Variants in GRM8 observed in about 807,000 individuals in gnomAD.
GRM8 encodes metabotropic glutamate receptor 8.
A neutral mutation model predicts 87.2 loss-of-function variants in GRM8; 47 were observed. That is an observed-to-expected ratio of 0.54 (90% CI 0.43 to 0.69). The LOEUF is 0.69. Ranked by LOEUF, GRM8 falls within the 30% of genes least tolerant of loss-of-function variation. The probability of loss-of-function intolerance (pLI) is 0.00; values close to 1 mark genes in which losing one functional copy is unlikely to be tolerated. For synonymous variants in GRM8, 396 were observed against 404.5 expected, an observed-to-expected ratio of 0.98 and a Z score of 0.25; for missense variants, 1,019 against 1,139.2, an observed-to-expected ratio of 0.89 and a Z score of 1.52.
At chr7:126,789,483 G>A (rs1434040031) in intron 6 of GRM8, among the ~76,000 whole-genome samples, 1 of 152,084 alleles carries the variant, frequency 6.6e-6, no homozygotes, top group Admixed American at 6.6e-5. Context: ...GGTGACTGTT[G>A]CCTTCATCAG....
chr7:126,551,577 A>G (rs1644557676), intron 8 of GRM8, among the ~76,000 whole-genome samples: 1 of 152,166 alleles, frequency 6.6e-6, no homozygotes, highest in Admixed American at 6.5e-5. Flanking sequence ...TGAGACATAA[A>G]GCTCATCATG....
At chr7:126,612,947 A>T (rs555262808) in intron 7 of GRM8, among the ~76,000 whole-genome samples, 7 of 152,212 alleles carry the variant, frequency 4.6e-5, no homozygotes, top group African/African-American at 1.4e-4. Context: ...AAACTTTGAC[A>T]TATCTGTGAA....
At chr7:126,709,935 T>G (rs1284359587) in intron 7 of GRM8, among the ~76,000 whole-genome samples, 1 of 152,166 alleles carries the variant, frequency 6.6e-6, no homozygotes, top group Non-Finnish European at 1.5e-5. Context: ...CAAATACCAT[T>G]ATGTTCTCAC....
intron 7 of GRM8, among the ~76,000 whole-genome samples, chr7:126,663,468 A>T (rs1340680738): frequency 6.6e-6 from 1 of 152,200 alleles, no homozygotes; most frequent in Non-Finnish European, 1.5e-5. Context: ...TTCATTTCCA[A>T]GATGCAAGCC....
intron 9 of GRM8, among the ~76,000 whole-genome samples, chr7:126,460,921 A>C (rs923266997): frequency 2.6e-5 from 4 of 151,538 alleles, no homozygotes; most frequent in African/African-American, 9.7e-5. Flanking sequence ...TTGTAAGTAT[A>C]TTTTAGAGCC....
At chr7:126,689,261 C>T (rs1221780044) in intron 7 of GRM8, among the ~76,000 whole-genome samples, 1 of 152,142 alleles carries the variant, frequency 6.6e-6, no homozygotes, top group Non-Finnish European at 1.5e-5. Context: ...GTTCCTTAAC[C>T]AAATGATTCT....
At chr7:126,671,449 G>C (rs899961675) in intron 7 of GRM8, among the ~76,000 whole-genome samples, 8 of 146,274 alleles carry the variant, frequency 5.5e-5, no homozygotes, top group Admixed American at 1.3e-4. Flanking sequence ...ATTCCATCAT[G>C]ATGATATTTA....
chr7:126,907,321 G>C (rs1487611076), intron 3 of GRM8, among the ~76,000 whole-genome samples: 1 of 149,868 alleles, frequency 6.7e-6, no homozygotes, highest in Non-Finnish European at 1.5e-5. Context: ...GAAGAGGAAG[G>C]AGGGGGAAGA....
At chr7:126,992,458 A>G (rs1024062545) in intron 3 of GRM8, among the ~76,000 whole-genome samples, 2 of 152,232 alleles carry the variant, frequency 1.3e-5, no homozygotes, top group African/African-American at 4.8e-5. Context: ...GTATTTCTAT[A>G]TATTAACAAT....
intron 8 of GRM8, among the ~76,000 whole-genome samples, chr7:126,561,873 G>A (rs148840080): frequency 0.017 from 1,093 of 66,110 alleles, 3 homozygotes; most frequent in African/African-American, 0.038. Flanking sequence ...GAGAACATGC[G>A]GTGTTTGGTT....
chr7:126,463,618 G>A (rs932846441), intron 9 of GRM8, among the ~76,000 whole-genome samples: 2 of 151,606 alleles, frequency 1.3e-5, no homozygotes, highest in Admixed American at 1.3e-4. Flanking sequence ...AAATTTTCAA[G>A]GAAGAATCAT....
chr7:127,152,635 A>G (rs1453932659), intron 2 of GRM8, among the ~76,000 whole-genome samples: 2 of 152,150 alleles, frequency 1.3e-5, no homozygotes, highest in African/African-American at 4.8e-5. Flanking sequence ...GGGGAAGGTC[A>G]GCCTAGTGTC....
At chr7:126,629,060 C>T (rs982999886) in intron 7 of GRM8, among the ~76,000 whole-genome samples, 2 of 152,160 alleles carry the variant, frequency 1.3e-5, no homozygotes, top group Non-Finnish European at 2.9e-5. Context: ...TACTAAACAA[C>T]AATTCTTTAA....
chr7:126,596,627 T>C (rs1280310484), intron 8 of GRM8, among the ~76,000 whole-genome samples: 3 of 152,132 alleles, frequency 2.0e-5, no homozygotes, highest in African/African-American at 7.2e-5. Context: ...ACATAAGGAA[T>C]CCTTGCGATA....
intron 2 of GRM8, among the ~76,000 whole-genome samples, chr7:127,126,020 G>C (rs914921352): frequency 1.3e-5 from 2 of 151,920 alleles, no homozygotes; most frequent in African/African-American, 4.8e-5. Flanking sequence ...GCTTTATACT[G>C]TTGGTAGAAA....
At chr7:127,138,126 G>T (rs1828043063) in intron 2 of GRM8, among the ~76,000 whole-genome samples, 1 of 152,158 alleles carries the variant, frequency 6.6e-6, no homozygotes, top group Admixed American at 6.5e-5. Flanking sequence ...GTTGAAAACA[G>T]ATAGCACAAG....
chr7:126,620,578 A>C (rs1800036041), intron 7 of GRM8, among the ~76,000 whole-genome samples: 1 of 151,546 alleles, frequency 6.6e-6, no homozygotes, highest in African/African-American at 2.4e-5. Context: ...GGATGCAGGG[A>C]CTAGAGTCTG....
At position 126,798,250 on chromosome 7, in the gene GRM8, G is replaced by A. The variant is rs185733744; in HGVS notation, c.1157-28185C>T. On this transcript the variant is annotated intron_variant, in intron 6 of 10. Coordinates refer to ENST00000339582, the MANE Select transcript of GRM8 (RefSeq NM_000845.3). ...AGCAGATTCAAAGTGTATAACTCAG[G>A]ATTAAGAAAAAAGGCTTCAACGTTT... Among the ~76,000 whole-genome samples, 44 of 152,018 alleles carry A rather than the reference G, an allele frequency of 2.9e-4. No homozygotes were observed. The East Asian group carries it at 7.5e-3, about 26-fold the overall frequency.
intron 6 of GRM8, among the ~76,000 whole-genome samples, chr7:126,838,788 T>G (rs1796020951): frequency 1.3e-5 from 2 of 152,202 alleles, no homozygotes; most frequent in Non-Finnish European, 2.9e-5. Flanking sequence ...AAGAAAATGT[T>G]AACTCACGGC....
Sources: gnomAD v4.1 joint callset for allele counts (sites outside exome capture counted in the v4.1 genomes callset) on GRCh38, gnomAD v4.1.1 for gene constraint, MANE v1.5 for transcripts, NCBI Gene and HGNC (gene_info 2026-07-23, HGNC 2026-07-21) for gene names.